MCTP1: variants seen among roughly 807,000 people sequenced by gnomAD.
MCTP1 encodes multiple C2 and transmembrane domain containing 1.
Under a neutral mutation model 120.6 loss-of-function variants are expected in MCTP1, and 69 were observed. That is an observed-to-expected ratio of 0.57 (90% CI 0.47 to 0.70). The LOEUF is 0.70. MCTP1 is among the 30% of genes least tolerant of loss of function. MCTP1 has a pLI of 0.00. For synonymous variants in MCTP1, 529 were observed against 493.1 expected, an observed-to-expected ratio of 1.07 and a Z score of -0.96; for missense variants, 1,203 against 1,248.8, an observed-to-expected ratio of 0.96 and a Z score of 0.55.
At chr5:95,117,349 C>T (rs1343871904) in intron 1 of MCTP1, among the ~76,000 whole-genome samples, 1 of 143,684 alleles carries the variant, frequency 7.0e-6, no homozygotes, top group Non-Finnish European at 1.5e-5. Context: ...CAAGATTGCG[C>T]CACTGCACTG....
chr5:94,839,978 T>A (rs142707303), intron 17 of MCTP1, among the ~76,000 whole-genome samples: 1 of 152,216 alleles, frequency 6.6e-6, no homozygotes, highest in African/African-American at 2.4e-5. Context: ...AGTTCAGTAT[T>A]TAATTATGTC....
In MCTP1 at chr5:94,982,884, C is replaced by CAAAAAAAA. The variant is rs34561115; in HGVS notation, c.839-29531_839-29524dup. ...ACCTGGGGGACAGAGCACACTTCAT[C>CAAAAAAAA]AAAAAAAAAAAAAAAAAAAAAAAAA... On this transcript the variant is annotated intron_variant, in intron 2 of 22. Transcript: ENST00000515393. Among the ~76,000 whole-genome samples the CAAAAAAAA allele has an allele frequency of 9.1e-4, 26 of 28,618 alleles. 3 individuals are homozygous for CAAAAAAAA. Among genetic ancestry groups the CAAAAAAAA allele is most frequent in the African/African-American group, 1.3e-3 (16 of 12,192 alleles). The allele number at this position is 28,618 out of a possible 152,430, so 18.8% of individuals were successfully genotyped here.
intron 2 of MCTP1, among the ~76,000 whole-genome samples, chr5:94,978,582 G>T (rs1163673880): frequency 6.6e-6 from 1 of 152,090 alleles, no homozygotes; most frequent in East Asian, 1.9e-4. Context: ...AAGACATTAT[G>T]CTATATACCA....
intron 1 of MCTP1, among the ~76,000 whole-genome samples, chr5:95,242,571 A>C (rs1756288477): frequency 6.6e-6 from 1 of 152,240 alleles, no homozygotes; most frequent in African/African-American, 2.4e-5. Context: ...AGAAAAAAGA[A>C]TGAACTATTA....
intron 1 of MCTP1, among the ~76,000 whole-genome samples, chr5:95,259,110 GCCAC>G (rs1217766313): frequency 6.6e-6 from 1 of 152,166 alleles, no homozygotes; most frequent in African/African-American, 2.4e-5. Flanking sequence ...CAACTGGGTA[GCCAC>G]TACAGCAGAA....
At chr5:95,267,822 C>A (rs1020321284) in intron 1 of MCTP1, among the ~76,000 whole-genome samples, 3 of 152,176 alleles carry the variant, frequency 2.0e-5, no homozygotes, top group East Asian at 1.9e-4. Flanking sequence ...GCCACTAATC[C>A]CAGACCCATC....
chr5:95,060,403 C>T (rs1199814706), intron 1 of MCTP1, among the ~76,000 whole-genome samples: 1 of 152,200 alleles, frequency 6.6e-6, no homozygotes, highest in East Asian at 1.9e-4. Context: ...CCCTAGGAAG[C>T]TGGCCATCAT....
chr5:94,992,088 CTG>C (rs1421928791), intron 2 of MCTP1, among the ~76,000 whole-genome samples: 3 of 152,102 alleles, frequency 2.0e-5, no homozygotes, highest in Non-Finnish European at 4.4e-5. Flanking sequence ...AGGACAAAAA[CTG>C]TGGTGCATCA....
intron 1 of MCTP1, among the ~76,000 whole-genome samples, chr5:95,208,985 A>G (rs895769057): frequency 6.6e-6 from 1 of 152,140 alleles, no homozygotes; most frequent in Non-Finnish European, 1.5e-5. Context: ...CTTCTCCTGC[A>G]ATTGCTCCAC....
chr5:94,897,635 G>A (rs1267067658), intron 10 of MCTP1, among the ~76,000 whole-genome samples: 1 of 152,102 alleles, frequency 6.6e-6, no homozygotes, highest in Admixed American at 6.5e-5. Context: ...AAAGTGCTGG[G>A]ATTACAGGCA....
At chr5:95,124,688 C>T (rs778280823) in intron 1 of MCTP1, among the ~76,000 whole-genome samples, 8 of 152,176 alleles carry the variant, frequency 5.3e-5, no homozygotes, top group Non-Finnish European at 1.0e-4. Flanking sequence ...ATAATTCCTA[C>T]GTTTGTAGAA....
chr5:95,124,468 T>C (rs1044466036), intron 1 of MCTP1, among the ~76,000 whole-genome samples: 3 of 152,244 alleles, frequency 2.0e-5, no homozygotes, highest in African/African-American at 7.2e-5. Context: ...CTGGAGAACC[T>C]TGACTAATAC....
intron 1 of MCTP1, among the ~76,000 whole-genome samples, chr5:95,200,063 A>T (rs1168670605): frequency 3.4e-5 from 5 of 148,214 alleles, no homozygotes; most frequent in Admixed American, 6.8e-5. Context: ...TGGGAGGCTG[A>T]GGCAGGAGAA....
chr5:95,055,351 T>C (rs1239372988), intron 1 of MCTP1, among the ~76,000 whole-genome samples: 1 of 152,220 alleles, frequency 6.6e-6, no homozygotes, highest in African/African-American at 2.4e-5. Flanking sequence ...CACATTCAGC[T>C]ACCTAAAACA....
chr5:95,053,633 C>A (rs1746593944), intron 1 of MCTP1, among the ~76,000 whole-genome samples: 1 of 152,078 alleles, frequency 6.6e-6, no homozygotes, highest in African/African-American at 2.4e-5. Context: ...AAAGGAGAAA[C>A]CGAAGGAAAC....
chr5:95,208,439 C>A (rs998767449), intron 1 of MCTP1, among the ~76,000 whole-genome samples: 2 of 152,130 alleles, frequency 1.3e-5, no homozygotes, highest in South Asian at 2.1e-4. Flanking sequence ...AAAGTCAATA[C>A]AGATATTGTA....
intron 19 of MCTP1, among the ~76,000 whole-genome samples, chr5:94,759,623 A>T (rs1770805294): frequency 6.6e-6 from 1 of 152,214 alleles, no homozygotes. Context: ...ATTGGTTTCA[A>T]GAAGACTTCA....
chr5:95,121,054 G>A (rs112192993), intron 1 of MCTP1, among the ~76,000 whole-genome samples: 43 of 152,088 alleles, frequency 2.8e-4, no homozygotes, highest in African/African-American at 8.4e-4. Flanking sequence ...CAAGGTGGGC[G>A]GATCACGAAG....
chr5:94,816,499 G>A (rs1426600276), intron 17 of MCTP1, among the ~76,000 whole-genome samples: 2 of 151,716 alleles, frequency 1.3e-5, no homozygotes, highest in Non-Finnish European at 2.9e-5. Flanking sequence ...ACCTAAATAG[G>A]AATTAAATAT....
Sources: gnomAD v4.1 joint callset for allele counts (sites outside exome capture counted in the v4.1 genomes callset) on GRCh38, gnomAD v4.1.1 for gene constraint, MANE v1.5 for transcripts, NCBI Gene and HGNC (gene_info 2026-07-23, HGNC 2026-07-21) for gene names.